The following CELF2 variants were observed in gnomAD, a reference collection of about 807,000 sequenced individuals.
CELF2 encodes the protein CUG triplet repeat RNA-binding protein 2.
In CELF2, 8 loss-of-function variants were observed where a neutral mutation model predicts 62.6. The observed-to-expected ratio is 0.13, with a 90% confidence interval of 0.07 to 0.23. The LOEUF (loss-of-function observed/expected upper bound fraction) is 0.23, where lower values mean the gene tolerates loss of function less well. CELF2 is among the 10% of genes least tolerant of loss of function. The pLI, the probability that CELF2 is intolerant of heterozygous loss-of-function variation, is 1.00. For synonymous variants in CELF2, 258 were observed against 250.0 expected (o/e 1.03, Z -0.30); for missense variants, 333 against 671.0 (o/e 0.50, Z 5.56).
the CELF2 span, among the ~76,000 whole-genome samples, chr10:10,702,358 C>G: frequency 2.0e-5 from 3 of 152,126 alleles, no homozygotes; most frequent in African/African-American, 7.2e-5. Context: ...CTTGACTGGC[C>G]CCTTTATGTC....
the CELF2 span, among the ~76,000 whole-genome samples, chr10:10,510,184 G>A: frequency 6.6e-6 from 1 of 152,104 alleles, no homozygotes; most frequent in Admixed American, 6.5e-5. Flanking sequence ...GATCCCTCTG[G>A]ATGGACATTT....
At chr10:11,043,828 C>T (rs986954446) in intron 1 of CELF2, among the ~76,000 whole-genome samples, 1 of 152,274 alleles carries the variant, frequency 6.6e-6, no homozygotes, top group Non-Finnish European at 1.5e-5. Context: ...AGATTGTGCT[C>T]GGATCCCCCA....
At chr10:11,303,618 G>A (rs746038119) in intron 9 of CELF2, among the ~76,000 whole-genome samples, 13 of 152,140 alleles carry the variant, frequency 8.5e-5, no homozygotes, top group Non-Finnish European at 1.2e-4. Flanking sequence ...CTCCCGTTTC[G>A]TGAATAAACA....
chr10:10,714,830 T>A, the CELF2 span, among the ~76,000 whole-genome samples: 2 of 152,132 alleles, frequency 1.3e-5, no homozygotes, highest in Non-Finnish European at 2.9e-5. Flanking sequence ...TCCTCTGTCT[T>A]CTCATCCCCA....
chr10:10,491,431 G>GGT, the CELF2 span, among the ~76,000 whole-genome samples: 2 of 152,080 alleles, frequency 1.3e-5, no homozygotes, highest in Admixed American at 1.3e-4. Flanking sequence ...CTTGCTCTTT[G>GGT]GTATCTTCAG....
intron 1 of CELF2, among the ~76,000 whole-genome samples, chr10:10,833,023 G>C (rs891279265): frequency 4.0e-5 from 6 of 149,020 alleles, no homozygotes; most frequent in Admixed American, 3.3e-4. Context: ...CTGTGTGTGT[G>C]TGTGTGTGTG....
rs2053656450 is a variant in CELF2 at position 10,993,664 on chromosome 10, C to A, written c.89+73665C>A. ...GCTTATTGTAGAAATAGGGCTTGTG[C>A]TGCATGATTCTAATGGGGTATTAGA... On this transcript the variant is annotated intron_variant, in intron 2 of 13. Coordinates refer to the CELF2 transcript ENST00000636488. The surrounding 1 kb of genome is among the most constrained non-coding windows in gnomAD (Gnocchi z 5.3). Among the ~76,000 whole-genome samples, 1 of 152,144 alleles carries A rather than the reference C, an allele frequency of 6.6e-6. No homozygotes were observed. The highest frequency in any genetic ancestry group is 1.5e-5 in the Non-Finnish European group (1 of 68,030).
intron 1 of CELF2, among the ~76,000 whole-genome samples, chr10:10,799,909 A>G (rs182744472): frequency 2.0e-5 from 3 of 152,350 alleles, no homozygotes; most frequent in African/African-American, 7.2e-5. Context: ...GGTTCTGCAC[A>G]GTGTCATGTC....
At chr10:10,810,510 C>G (rs537803541) in intron 1 of CELF2, among the ~76,000 whole-genome samples, 227 of 152,176 alleles carry the variant, frequency 1.5e-3, no homozygotes, top group African/African-American at 5.4e-3. Context: ...GGGCAGCTGG[C>G]CTCAGGTTCC....
intron 1 of CELF2, among the ~76,000 whole-genome samples, chr10:11,082,554 A>C (rs1465532947): frequency 6.6e-6 from 1 of 152,200 alleles, no homozygotes; most frequent in African/African-American, 2.4e-5. Flanking sequence ...TAACTATGTA[A>C]ATCACTCCTC....
chr10:10,929,647 T>C (rs1187525082), intron 2 of CELF2: 1 of 152,218 alleles, frequency 6.6e-6, no homozygotes, highest in Non-Finnish European at 1.5e-5. Flanking sequence ...TCTGCCTCAG[T>C]TTCTTCATCT....
rs776771628 is a variant in CELF2 at position 10,971,386 on chromosome 10, CTCT to C, written c.89+51392_89+51394del. Among the ~76,000 whole-genome samples, 37 of 152,288 alleles carry C rather than the reference CTCT, an allele frequency of 2.4e-4. 1 individual carries two copies. The East Asian group carries it at 6.8e-3, about 28-fold the overall frequency. ...CCCCCCTCACCTTATACATTTTTGG[CTCT>C]TCTTTCTCTCGCTCGCTCACTTGCT... On this transcript the variant is annotated intron_variant, in intron 2 of 13. Coordinates refer to the CELF2 transcript ENST00000636488.
chr10:11,265,677 G>A (rs1273703908), intron 5 of CELF2, among the ~76,000 whole-genome samples: 1 of 152,262 alleles, frequency 6.6e-6, no homozygotes, highest in Non-Finnish European at 1.5e-5. Context: ...AGTTGGAGCA[G>A]TGACCTGCAT....
At chr10:11,076,264 A>G (rs2071896099) in intron 1 of CELF2, among the ~76,000 whole-genome samples, 1 of 152,140 alleles carries the variant, frequency 6.6e-6, no homozygotes, top group Non-Finnish European at 1.5e-5. Context: ...TAAGGAGGAT[A>G]CTATACAGAA....
the CELF2 span, among the ~76,000 whole-genome samples, chr10:10,708,587 T>G: frequency 2.0e-5 from 3 of 152,128 alleles, no homozygotes; most frequent in Non-Finnish European, 2.9e-5. Flanking sequence ...GAAAAGTCAG[T>G]GACTCAAGAA....
At chr10:11,040,586 A>G (rs553836414) in intron 1 of CELF2, among the ~76,000 whole-genome samples, 1 of 152,038 alleles carries the variant, frequency 6.6e-6, no homozygotes, top group South Asian at 2.1e-4. Flanking sequence ...TTCCTGTGTA[A>G]TGGTTTTTGT....
At chr10:10,898,616 C>A (rs758775792) in intron 1 of CELF2, among the ~76,000 whole-genome samples, 2 of 152,090 alleles carry the variant, frequency 1.3e-5, no homozygotes, top group Non-Finnish European at 2.9e-5. Flanking sequence ...AACATATTTT[C>A]AAAATACATG....
At chr10:10,518,079 G>A in the CELF2 span, among the ~76,000 whole-genome samples, 1 of 152,180 alleles carries the variant, frequency 6.6e-6, no homozygotes, top group East Asian at 1.9e-4. Context: ...TTCAGGCTTA[G>A]CATTTCCTGC....
At chr10:10,535,175 T>C in the CELF2 span, among the ~76,000 whole-genome samples, 3 of 152,174 alleles carry the variant, frequency 2.0e-5, no homozygotes, top group Non-Finnish European at 4.4e-5. Context: ...CAGCACTTGA[T>C]GAGTCTCATG....
Sources: allele counts gnomAD v4.1 joint callset (sites outside exome capture counted in the v4.1 genomes callset), GRCh38; gene constraint gnomAD v4.1.1; non-coding constraint Gnocchi (gnomAD v3.1); transcripts MANE v1.5; gene names NCBI Gene and HGNC (gene_info 2026-07-23, HGNC 2026-07-21).